The following TINAG variants were observed in gnomAD, a reference collection of about 807,000 sequenced individuals.
TINAG encodes tubulointerstitial nephritis antigen.
A neutral mutation model predicts 72.7 loss-of-function variants in TINAG; 83 were observed. That is an observed-to-expected ratio of 1.14 (90% CI 0.96 to 1.37). TINAG has a LOEUF of 1.37. Among genes scored for constraint, TINAG ranks in the 40% most tolerant of loss-of-function variants. The pLI is 0.00. For missense variants in TINAG, 685 were observed against 576.6 expected (o/e 1.19, Z -1.93); for synonymous variants, 234 against 189.9 (o/e 1.23, Z -1.91).
At chr6:54,359,949 C>T (rs181909965) in intron 9 of TINAG, among the ~76,000 whole-genome samples, 5 of 151,802 alleles carry the variant, frequency 3.3e-5, no homozygotes, top group South Asian at 2.1e-4. Context: ...TAATGTAACA[C>T]GACAAATTCT....
intron 9 of TINAG, among the ~76,000 whole-genome samples, chr6:54,361,934 C>T (rs1763250371): frequency 6.6e-6 from 1 of 151,606 alleles, no homozygotes; most frequent in Admixed American, 6.6e-5. Flanking sequence ...ACAGCAAGGC[C>T]CTACCTTTCT....
intron 4 of TINAG, among the ~76,000 whole-genome samples, chr6:54,336,749 T>C (rs1391755130): frequency 6.6e-6 from 1 of 152,084 alleles, no homozygotes; most frequent in East Asian, 1.9e-4. Context: ...TAGTATTATG[T>C]CTAAGGTGGA....
intron 9 of TINAG, among the ~76,000 whole-genome samples, chr6:54,371,605 A>G (rs969473124): frequency 6.6e-6 from 1 of 152,006 alleles, no homozygotes; most frequent in African/African-American, 2.4e-5. Flanking sequence ...CCTTACCTTG[A>G]TTTCACAGGT....
intron 5 of TINAG, among the ~76,000 whole-genome samples, chr6:54,346,846 C>T (rs1785135316): frequency 6.6e-6 from 1 of 151,918 alleles, no homozygotes; most frequent in African/African-American, 2.4e-5. Flanking sequence ...TTAGATTAAA[C>T]CAGTTTAAAA....
chr6:54,368,752 A>G (rs958653773), intron 9 of TINAG, among the ~76,000 whole-genome samples: 6 of 151,708 alleles, frequency 4.0e-5, no homozygotes, highest in African/African-American at 9.7e-5. Context: ...AAAACAAAAC[A>G]AAAACCTCAG....
In TINAG at chr6:54,326,795, A is replaced by G. The variant is rs770592972; in HGVS notation, c.510-7A>G. 1.3e-5 allele frequency: 21 copies of G among 1,579,302 alleles called. No homozygotes were observed. The South Asian group carries it at 2.2e-4, about 17-fold the overall frequency. On this transcript the variant is annotated splice_region_variant and splice_polypyrimidine_tract_variant and intron_variant, in intron 3 of 10. Transcript: ENST00000259782. ...TTTTCTATATTTTTCTCTCATTTGT[A>G]AGGCAGATGGACAGCACAGAATTAC...
rs762009453 is a variant in TINAG, at chr6:54,349,856, G to A, written c.1040G>A (p.Arg347Lys). Reference sequence around the variant, plus strand: ...CCCAACAACGTAGAAAAATCTAACAGGATCTATCAATGTTCTCCTCCATAC... The same window carrying A: ...CCCAACAACGTAGAAAAATCTAACAAGATCTATCAATGTTCTCCTCCATAC... ...PCPNNVEKSN[R>K]IYQCSPPYRV... Residue 347 changes from arginine to lysine, a missense_variant, in exon 7 of 11, where the codon AGG becomes AAG. Coordinates refer to ENST00000259782, the MANE Select transcript of TINAG (RefSeq NM_014464.4). 1 of 1,608,630 alleles carries A rather than the reference G, an allele frequency of 6.2e-7. No homozygotes were observed. Among genetic ancestry groups the A allele is most frequent in the Non-Finnish European group, 8.5e-7 (1 of 1,176,718 alleles).
chr6:54,349,762 A>G lies in TINAG; in HGVS notation c.946A>G (p.Thr316Ala), dbSNP rs939028369. 1.9e-6 allele frequency: 3 copies of G among 1,604,922 alleles called. No homozygotes were observed. The highest frequency in any genetic ancestry group is 1.7e-4 in the Middle Eastern group (1 of 6,028). The change falls in exon 7 of 11, where the codon ACC (threonine) becomes GCC (alanine). Residue 316 changes from threonine to alanine, a missense_variant. Physicochemically the swap from Thr to Ala is moderately conservative, Grantham distance 58. Transcript: ENST00000259782. ...CCCACTTTTCAAAGACCAAAATGCT[A>G]CCAACAATGGATGTGCCATGGCAAG... Reference protein sequence around the residue: ...CYPLFKDQNATNNGCAMASRS... With the variant: ...CYPLFKDQNAANNGCAMASRS...
At chr6:54,379,206 T>C (rs1216395125) in intron 9 of TINAG, among the ~76,000 whole-genome samples, 1 of 152,110 alleles carries the variant, frequency 6.6e-6, no homozygotes. Context: ...CCAAATTACA[T>C]GAAAGTAAGT....
rs1784166288 is a variant in TINAG at position 54,308,634 on chromosome 6, A to G, written c.84A>G (p.Glu28=). Residue 28 remains glutamate, a synonymous_variant, in exon 1 of 11, where the codon GAA becomes GAG. Transcript: ENST00000259782. The stretch of plus-strand genomic sequence containing the variant: ...AGAAGCAGTATTTATCTCAAAGAGA[A>G]GTGGACCTAGAGGCTTATTTCACTA... ...WMEKQYLSQR[E]VDLEAYFTRN... is the part of the protein sequence containing the mutation. 6.2e-7 allele frequency: 1 copy of G among 1,613,810 alleles called. No individual in the cohort carries two copies.
Position 54,343,252 on chromosome 6 carries a change from T to C in TINAG, c.651T>C (p.Leu217=). The C allele has an allele frequency of 6.3e-7, 1 of 1,577,254 alleles. No individual in the cohort carries two copies. Among genetic ancestry groups the C allele is most frequent in the Non-Finnish European group, 8.6e-7 (1 of 1,159,664 alleles). Residue 217 remains leucine (L), a synonymous_variant, in exon 5 of 11, where the codon CTT becomes CTC. Coordinates refer to ENST00000259782, the MANE Select transcript of TINAG (RefSeq NM_014464.4). ...CTTCTTTACCTGCAACAACTGATCT[T>C]CCAGAGTTTTTTGTTGCTTCTTATA... is the stretch of plus-strand genomic sequence containing the variant. The part of the protein sequence containing the change: ...MTASLPATTD[L]PEFFVASYKW...
intron 9 of TINAG, among the ~76,000 whole-genome samples, chr6:54,364,497 T>C (rs1278308192): frequency 6.6e-6 from 1 of 151,464 alleles, no homozygotes; most frequent in Non-Finnish European, 1.5e-5. Context: ...TATTTAATAA[T>C]TCAAATATAT....
At chr6:54,335,137 A>G (rs900318943) in intron 4 of TINAG, among the ~76,000 whole-genome samples, 1 of 152,178 alleles carries the variant, frequency 6.6e-6, no homozygotes, top group Non-Finnish European at 1.5e-5. Context: ...TTTCTAACAT[A>G]TCCTTTATAA....
chr6:54,326,939 G>C, intron 4 of TINAG, 23 bp downstream of exon 4: 9 of 1,612,784 alleles, frequency 5.6e-6, no homozygotes, highest in Middle Eastern at 1.7e-4. Flanking sequence ...TCTGATTCAC[G>C]TATGTGCATG....
intron 10 of TINAG, among the ~76,000 whole-genome samples, chr6:54,381,602 G>A (rs1200366751): frequency 1.3e-5 from 2 of 151,806 alleles, no homozygotes; most frequent in Non-Finnish European, 2.9e-5. Flanking sequence ...TAAGTAGAAG[G>A]ATTCTTCTTT....
At chr6:54,380,280 C>G (rs1763906837) in intron 9 of TINAG, among the ~76,000 whole-genome samples, 1 of 151,830 alleles carries the variant, frequency 6.6e-6, no homozygotes. Flanking sequence ...CTCCTGTGGT[C>G]AATGAGTTTG....
intron 6 of TINAG, 76 bp downstream of exon 6, chr6:54,347,593 A>G (rs527552919): frequency 9.3e-5 from 139 of 1,494,628 alleles, no homozygotes; most frequent in Non-Finnish European, 1.1e-4. Flanking sequence ...AAATAATCCC[A>G]AGATTTTTAC....
intron 8 of TINAG, among the ~76,000 whole-genome samples, chr6:54,352,064 T>A (rs3777640): frequency 0.19 from 29,219 of 151,714 alleles, 2,972 homozygotes; most frequent in African/African-American, 0.23. Flanking sequence ...AATAAGGGTA[T>A]ACTCACAGAA....
At chr6:54,373,762 C>T (rs1006709948) in intron 9 of TINAG, among the ~76,000 whole-genome samples, 3 of 152,022 alleles carry the variant, frequency 2.0e-5, no homozygotes, top group Non-Finnish European at 2.9e-5. Flanking sequence ...CTGGCCAACC[C>T]TTATAGTATG....
Sources: allele counts gnomAD v4.1 joint callset (sites outside exome capture counted in the v4.1 genomes callset), GRCh38; gene constraint gnomAD v4.1.1; transcripts MANE v1.5; gene names NCBI Gene and HGNC (gene_info 2026-07-23, HGNC 2026-07-21).